The following ATP5MK variants were observed in gnomAD, a reference collection of about 807,000 sequenced individuals.
The protein encoded by ATP5MK is ATP synthase F(0) complex subunit k, mitochondrial.
ATP5MK carries 5 observed loss-of-function variants against 6.6 expected under a neutral mutation model. The ratio of observed to expected loss-of-function variants is 0.76; its 90% CI spans 0.40 to 1.60. The LOEUF is 1.60. Ranked by LOEUF, ATP5MK falls within the 40% of genes most tolerant of loss-of-function variation. The pLI, the probability that ATP5MK is intolerant of heterozygous loss-of-function variation, is 0.02. For synonymous variants in ATP5MK, 30 were observed against 24.5 expected (o/e 1.22, Z -0.66); for missense variants, 57 against 66.6 (o/e 0.86, Z 0.50).
Position 103,392,244 on chromosome 10 carries a change from A to C in ATP5MK, c.127T>G (p.Leu43Val). ...ATYGSIALIV[L>V]YFKLRSKKTP... ...TTTTTGGACCTTAACTTGAAATATA[A>C]GACAATCAATGCAATGCTTCCATAT... Residue 43 changes from leucine to valine, a missense_variant, in exon 4 of 5, where the codon TTA becomes GTA. Coordinates refer to ENST00000369815, the MANE Select transcript of ATP5MK (RefSeq NM_001206427.2). 6.2e-7 allele frequency: 1 copy of C among 1,613,756 alleles called. No homozygotes were observed. The highest frequency in any genetic ancestry group is 8.5e-7 in the Non-Finnish European group (1 of 1,179,934).
At chr10:103,392,069 T>G (rs2093416162) in intron 4 of ATP5MK, 122 bp downstream of exon 4, 7 of 824,618 alleles carry the variant, frequency 8.5e-6, no homozygotes, top group Non-Finnish European at 1.3e-5. Context: ...CCTCTGTATT[T>G]TTTTTTCTTG....
In ATP5MK at chr10:103,392,475, AAAAG is replaced by A. The variant is rs760641542; in HGVS notation, c.-9-13_-9-10del. ...CCTGCCATGATTTCAATCTTTTAAA[AAAAG>A]AAAGAAAGCAACATTAAATTGGTTT... is the stretch of plus-strand genomic sequence containing the variant. On this transcript the variant is annotated splice_polypyrimidine_tract_variant and intron_variant, in intron 2 of 4. Coordinates refer to ENST00000369815, the MANE Select transcript of ATP5MK (RefSeq NM_001206427.2). 203 of 1,563,078 alleles carry A rather than the reference AAAAG, an allele frequency of 1.3e-4. No individual in the cohort carries two copies. Among genetic ancestry groups the A allele is most frequent in the Admixed American group, 5.2e-4 (25 of 48,430 alleles).
chr10:103,391,313 C>T (rs890702641), intron 4 of ATP5MK, among the ~76,000 whole-genome samples: 2 of 152,186 alleles, frequency 1.3e-5, no homozygotes, highest in Non-Finnish European at 2.9e-5. Flanking sequence ...CAAAAGCATT[C>T]ATTGTAGTAT....
intron 2 of ATP5MK, among the ~76,000 whole-genome samples, chr10:103,394,854 C>A (rs2093425962): frequency 6.7e-6 from 1 of 149,000 alleles, no homozygotes; most frequent in Admixed American, 6.8e-5. Context: ...ATAAGGGCTT[C>A]ACTTTGACCA....
In ATP5MK at chr10:103,392,216, G is replaced by GT; in HGVS notation, c.154dup (p.Thr52AsnfsTer12). On this transcript the variant is annotated frameshift_variant, in exon 4 of 5. Coordinates refer to ENST00000369815, the MANE Select transcript of ATP5MK (RefSeq NM_001206427.2). LOFTEE classifies it high-confidence loss of function. ...CATTTATGTTGCTTTCACAGCTGGA[G>GT]TTTTTTTGGACCTTAACTTGAAATA... The GT allele has an allele frequency of 1.2e-6, 2 of 1,613,122 alleles. No homozygotes were observed. The highest frequency in any genetic ancestry group is 1.1e-5 in the South Asian group (1 of 90,956).
intron 2 of ATP5MK, among the ~76,000 whole-genome samples, chr10:103,395,425 G>A (rs776035488): frequency 6.6e-5 from 10 of 152,176 alleles, no homozygotes; most frequent in African/African-American, 1.7e-4. Context: ...AGCCTCCCGA[G>A]TAGCTGGAAC....
chr10:103,389,819 C>T (rs1157976258), intron 4 of ATP5MK, among the ~76,000 whole-genome samples: 3 of 151,936 alleles, frequency 2.0e-5, no homozygotes, highest in Admixed American at 2.0e-4. Context: ...GCAACCTCTG[C>T]CTCCTGGGTT....
intron 2 of ATP5MK, chr10:103,394,217 C>G (rs747720118): frequency 5.9e-6 from 3 of 506,226 alleles, no homozygotes; most frequent in African/African-American, 3.9e-5. Context: ...TTTACAAAGG[C>G]ATGAATTTCT....
intron 1 of ATP5MK, 61 bp downstream of exon 1, chr10:103,396,347 CG>C (rs1339854471): frequency 6.6e-6 from 1 of 152,248 alleles, no homozygotes; most frequent in Non-Finnish European, 1.5e-5. Context: ...CGGCCAGAAA[CG>C]GCGGGCGGTC....
intron 4 of ATP5MK, among the ~76,000 whole-genome samples, chr10:103,390,877 C>T (rs751990764): frequency 6.6e-6 from 1 of 151,584 alleles, no homozygotes; most frequent in African/African-American, 2.4e-5. Flanking sequence ...GCCAACACAA[C>T]AGATATTTAA....
rs773059267 is a variant in ATP5MK, at chr10:103,392,435, G to A, written c.23C>T (p.Ala8Val). 3.7e-5 allele frequency: 59 copies of A among 1,603,294 alleles called. No individual in the cohort carries two copies. In the Admixed American group the frequency reaches 4.0e-4, roughly 11 times the overall value. The change falls in exon 3 of 5, where the codon GCG becomes GTG. Residue 8 changes from alanine (A) to valine (V), a missense_variant. Physicochemically the swap from Ala to Val is moderately conservative, Grantham distance 64. Transcript: ENST00000369815. ...TTTAATACCAGTGAACTGGTATTGCGCATCACTTTCTGGACCTGCCATGAT... is the reference window on the plus strand; with the variant it reads ...TTTAATACCAGTGAACTGGTATTGCACATCACTTTCTGGACCTGCCATGAT... Reference protein sequence around the residue: MAGPESDAQYQFTGIKKY... With the variant: MAGPESDVQYQFTGIKKY...
intron 4 of ATP5MK, among the ~76,000 whole-genome samples, chr10:103,390,985 A>G (rs1354372776): frequency 6.6e-6 from 1 of 152,210 alleles, no homozygotes; most frequent in African/African-American, 2.4e-5. Flanking sequence ...ACAAACTAGA[A>G]AAAGAAATAT....
At chr10:103,394,441 T>C (rs373266710) in intron 2 of ATP5MK, 10 of 450,236 alleles carry the variant, frequency 2.2e-5, no homozygotes, top group Admixed American at 6.3e-5. Context: ...GTCATTACTA[T>C]GGAAACTGGA....
chr10:103,394,862 C>T lies in ATP5MK; in HGVS notation c.-10+884G>A, dbSNP rs142320855. Among the ~76,000 whole-genome samples the T allele has an allele frequency of 5.3e-3, 803 of 150,348 alleles. 4 individuals are homozygous for T. Among genetic ancestry groups the T allele is most frequent in the African/African-American group, 0.019 (768 of 41,012 alleles). The stretch of plus-strand genomic sequence containing the variant: ...ACAGAAAATAAGGGCTTCACTTTGA[C>T]CATTAACGAAAACCTCCACTACATT... On this transcript the variant is annotated intron_variant, in intron 2 of 4. Transcript: ENST00000369815.
intron 2 of ATP5MK, among the ~76,000 whole-genome samples, chr10:103,392,759 A>C (rs2093418383): frequency 6.6e-6 from 1 of 152,210 alleles, no homozygotes; most frequent in Admixed American, 6.5e-5. Context: ...ATACAGCTTA[A>C]TATTTTCATT....
chr10:103,391,887 C>T (rs900737380), intron 4 of ATP5MK, among the ~76,000 whole-genome samples: 2 of 152,036 alleles, frequency 1.3e-5, no homozygotes, highest in Non-Finnish European at 2.9e-5. Flanking sequence ...CTCACTGCAA[C>T]CTTCGCCTCC....
chr10:103,394,848 G>A (rs2093425875), intron 2 of ATP5MK, among the ~76,000 whole-genome samples: 1 of 146,244 alleles, frequency 6.8e-6, no homozygotes, highest in Non-Finnish European at 1.5e-5. Flanking sequence ...CAGAAAATAA[G>A]GGCTTCACTT....
In ATP5MK at chr10:103,389,126, A is replaced by G. The variant is rs2093405436; in HGVS notation, c.*44T>C. 6.6e-6 allele frequency: 1 copy of G among 152,654 alleles called. No homozygotes were observed. The highest frequency in any genetic ancestry group is 6.5e-5 in the Admixed American group (1 of 15,282). The allele number at this position is 152,654 out of a possible 1,614,324, so 9.5% of individuals were successfully genotyped here. On this transcript the variant is annotated 3_prime_UTR_variant, in exon 5 of 5. Transcript: ENST00000369815. The stretch of plus-strand genomic sequence containing the variant: ...GGCATTAGCTTCTCCAGGCATGGGA[A>G]CTTAACAGATGAGGTTAAGAACCGT...
At chr10:103,390,706 GT>G in intron 4 of ATP5MK, among the ~76,000 whole-genome samples, 1 of 151,422 alleles carries the variant, frequency 6.6e-6, no homozygotes, top group Non-Finnish European at 1.5e-5. Flanking sequence ...CAGGAGAATT[GT>G]TTGAACCGGG....
Sources: gnomAD v4.1 joint callset for allele counts (sites outside exome capture counted in the v4.1 genomes callset) on GRCh38, gnomAD v4.1.1 for gene constraint, MANE v1.5 for transcripts, NCBI Gene and HGNC (gene_info 2026-07-23, HGNC 2026-07-21) for gene names.